The following PDE1A variants were observed in gnomAD, a reference collection of about 807,000 sequenced individuals.
PDE1A encodes the protein dual specificity calcium/calmodulin-dependent 3',5'-cyclic nucleotide phosphodiesterase 1A.
A neutral mutation model predicts 61.7 loss-of-function variants in PDE1A; 35 were observed. The observed-to-expected ratio is 0.57, with a 90% CI of 0.43 to 0.75. The LOEUF is 0.75. Ranked by LOEUF, PDE1A falls within the 30% of genes least tolerant of loss-of-function variation. The pLI, the probability that PDE1A is intolerant of heterozygous loss-of-function variation, is 0.00. For synonymous variants in PDE1A, 232 were observed against 213.2 expected (o/e 1.09, Z -0.77); for missense variants, 597 against 630.6 (o/e 0.95, Z 0.57).
chr2:182,670,470 G>A, the PDE1A span, among the ~76,000 whole-genome samples: 1 of 152,140 alleles, frequency 6.6e-6, no homozygotes, highest in Admixed American at 6.5e-5. Flanking sequence ...AGTCAAGGTT[G>A]AGAATCATTT....
chr2:182,176,594 A>G (rs1051653764), intron 13 of PDE1A, among the ~76,000 whole-genome samples: 5 of 149,204 alleles, frequency 3.4e-5, no homozygotes, highest in African/African-American at 1.3e-4. Flanking sequence ...GGCTGTGACC[A>G]TGGGGTTTTC....
At chr2:182,191,850 T>TA (rs933542369) in intron 10 of PDE1A, among the ~76,000 whole-genome samples, 18 of 151,574 alleles carry the variant, frequency 1.2e-4, no homozygotes, top group Non-Finnish European at 2.7e-4. Flanking sequence ...TACTTTCTTT[T>TA]TTTTTTTATT....
chr2:182,529,975 C>T, the PDE1A span, among the ~76,000 whole-genome samples: 1 of 152,042 alleles, frequency 6.6e-6, no homozygotes, highest in East Asian at 1.9e-4. Context: ...TTTGGATTTT[C>T]AGAAGTGTAA....
chr2:182,332,837 C>T lies in PDE1A; in HGVS notation c.54-68423G>A, dbSNP rs145561938. On this transcript the variant is annotated intron_variant, in intron 1 of 13. Transcript: ENST00000351439. ...GGCAAGGTGGTCAGGGACCATTTCA[C>T]GTGGAAAGACACACATAGGCTCAAA... Among the ~76,000 whole-genome samples the T allele has an allele frequency of 4.0e-3, 606 of 151,938 alleles. 3 individuals carry two copies. Among genetic ancestry groups the T allele is most frequent in the African/African-American group, 0.014 (562 of 41,450 alleles).
intron 1 of PDE1A, among the ~76,000 whole-genome samples, chr2:182,319,807 CATT>C (rs1696585421): frequency 6.6e-6 from 1 of 152,144 alleles, no homozygotes; most frequent in Non-Finnish European, 1.5e-5. Flanking sequence ...AGATGATACA[CATT>C]ATTTAATTGG....
downstream of PDE1A, among the ~76,000 whole-genome samples, chr2:182,164,948 T>C (rs6734332): frequency 0.49 from 75,023 of 151,874 alleles, 19,059 homozygotes; most frequent in East Asian, 0.6. Context: ...GACCCAGGAA[T>C]TCACTTCACA....
rs1299100938 is a variant in PDE1A at position 182,522,593 on chromosome 2, C to G, written c.-11+72G>C. ...CCACCTCACCACCCCCCTAAGCAGA[C>G]AGCAGTATAAACAGATGCTCTGACC... On this transcript the variant is annotated intron_variant, in intron 1 of 14. Transcript: ENST00000410103. The G allele has an allele frequency of 7.4e-6, 10 of 1,356,926 alleles. No homozygotes were observed. The African/African-American group carries it at 1.2e-4, about 16-fold the overall frequency. 84.1% of individuals were successfully genotyped at this position (1,356,926 alleles called of 1,614,324 possible).
At chr2:182,417,718 T>C (rs559945280) in intron 1 of PDE1A, among the ~76,000 whole-genome samples, 16 of 152,290 alleles carry the variant, frequency 1.1e-4, no homozygotes, top group Admixed American at 4.6e-4. Context: ...ATTCCTAGTG[T>C]AAATTATATC....
chr2:182,345,204 C>T (rs1292262797), intron 1 of PDE1A, among the ~76,000 whole-genome samples: 1 of 152,198 alleles, frequency 6.6e-6, no homozygotes, highest in Non-Finnish European at 1.5e-5. Flanking sequence ...TAATAGACAT[C>T]TAACACTGAA....
chr2:182,426,781 C>T lies in PDE1A; in HGVS notation c.-151G>A, dbSNP rs1574631663. 6.1e-6 allele frequency: 9 copies of T among 1,466,422 alleles called. No individual in the cohort carries two copies. The South Asian group carries it at 1.3e-4, about 21-fold the overall frequency. 90.8% of individuals were successfully genotyped at this position (1,466,422 alleles called of 1,614,324 possible). On this transcript the variant is annotated 5_prime_UTR_variant, in exon 1 of 14. Coordinates refer to ENST00000351439, the Ensembl canonical transcript of PDE1A. The stretch of plus-strand genomic sequence containing the variant: ...CTTTTTGGGTGCTGGGAGAAAACTT[C>T]CCTGTTCTCTGCCAGCTGAGCAGTG...
Position 182,209,303 on chromosome 2 carries a change from G to A in PDE1A, c.777-3238C>T, listed in dbSNP as rs114735227. Reference sequence around the variant, plus strand: ...TCCCCTTATCCAACCATCAAATCTCGTGAGACTTATTCACTATCACGAGAA... The same window carrying A: ...TCCCCTTATCCAACCATCAAATCTCATGAGACTTATTCACTATCACGAGAA... On this transcript the variant is annotated intron_variant, in intron 7 of 13. Coordinates refer to ENST00000351439, the Ensembl canonical transcript of PDE1A. Among the ~76,000 whole-genome samples, 405 of 151,976 alleles carry A rather than the reference G, an allele frequency of 2.7e-3. 1 individual carries two copies. Among genetic ancestry groups the A allele is most frequent in the African/African-American group, 9.5e-3 (396 of 41,476 alleles).
the PDE1A span, among the ~76,000 whole-genome samples, chr2:182,654,445 T>A: frequency 6.6e-6 from 1 of 152,182 alleles, no homozygotes; most frequent in East Asian, 1.9e-4. Flanking sequence ...CTGGACTCAC[T>A]GTAAGATATA....
At chr2:182,402,857 T>C (rs558891643) in intron 1 of PDE1A, among the ~76,000 whole-genome samples, 4 of 152,232 alleles carry the variant, frequency 2.6e-5, no homozygotes, top group South Asian at 2.1e-4. Flanking sequence ...CATCAAAAAG[T>C]GGGTGAAGGA....
chr2:182,605,737 T>A, the PDE1A span, among the ~76,000 whole-genome samples: 1 of 152,204 alleles, frequency 6.6e-6, no homozygotes, highest in Non-Finnish European at 1.5e-5. Flanking sequence ...CCAAGCATCA[T>A]AGTCAAATTG....
the PDE1A span, among the ~76,000 whole-genome samples, chr2:182,536,267 A>G: frequency 6.6e-6 from 1 of 152,236 alleles, no homozygotes; most frequent in African/African-American, 2.4e-5. Context: ...ACTTAGGTAC[A>G]TGTCATAAAA....
the PDE1A span, among the ~76,000 whole-genome samples, chr2:182,649,607 CA>C: frequency 0.32 from 36,412 of 112,656 alleles, 4,994 homozygotes; most frequent in East Asian, 0.45. Context: ...CCACTCTATA[CA>C]AAAAAAAAAA....
intron 13 of PDE1A, among the ~76,000 whole-genome samples, chr2:182,155,566 C>T (rs1189593311): frequency 6.6e-6 from 1 of 151,996 alleles, no homozygotes; most frequent in Non-Finnish European, 1.5e-5. Context: ...GGCTGTGTCC[C>T]CACCTATATC....
the PDE1A span, among the ~76,000 whole-genome samples, chr2:182,545,613 G>A: frequency 6.6e-6 from 1 of 152,122 alleles, no homozygotes. Flanking sequence ...AGGTCATTCA[G>A]CCTAGGGTTC....
chr2:182,259,801 T>C (rs1198227720), intron 2 of PDE1A, among the ~76,000 whole-genome samples: 1 of 152,248 alleles, frequency 6.6e-6, no homozygotes, highest in Non-Finnish European at 1.5e-5. Flanking sequence ...GGCAGCTGCC[T>C]GCCCTGCTAT....
Sources: gnomAD v4.1 joint callset for allele counts (sites outside exome capture counted in the v4.1 genomes callset) on GRCh38, gnomAD v4.1.1 for gene constraint, MANE v1.5 for transcripts, NCBI Gene and HGNC (gene_info 2026-07-23, HGNC 2026-07-21) for gene names.